Variants in ITPR2 observed in about 807,000 individuals in gnomAD.
ITPR2 encodes the protein inositol 1,4,5-trisphosphate-gated calcium channel ITPR2.
Under a neutral mutation model 317.1 loss-of-function variants are expected in ITPR2, and 207 were observed. The observed-to-expected ratio is 0.65, with a 90% CI of 0.58 to 0.73. ITPR2 has a LOEUF of 0.73. Ranked by LOEUF, ITPR2 falls within the 30% of genes least tolerant of loss-of-function variation. ITPR2 has a pLI of 0.00. For missense variants in ITPR2, 2,613 were observed against 3,284.0 expected (o/e 0.80, Z 4.99); for synonymous variants, 1,156 against 1,149.1 (o/e 1.01, Z -0.12).
rs565876285 is a variant in ITPR2 at position 26,438,223 on chromosome 12, T to C, written c.6643+904A>G. On this transcript the variant is annotated intron_variant, in intron 47 of 56. Coordinates refer to ENST00000381340, the MANE Select transcript of ITPR2 (RefSeq NM_002223.4). ...GGTAAAATGCTAAGGGAGAATAATTTTGATTTTTTTAAAAGCATTCTGTTT... is the reference window on the plus strand; with the variant it reads ...GGTAAAATGCTAAGGGAGAATAATTCTGATTTTTTTAAAAGCATTCTGTTT... Among the ~76,000 whole-genome samples, 3 of 152,296 alleles carry C rather than the reference T, an allele frequency of 2.0e-5. No homozygotes were observed. In the South Asian group the frequency reaches 6.2e-4, roughly 32 times the overall value.
chr12:26,535,070 G>A (rs916765004), intron 37 of ITPR2, among the ~76,000 whole-genome samples: 3 of 152,120 alleles, frequency 2.0e-5, no homozygotes, highest in East Asian at 3.9e-4. Flanking sequence ...TGTGTATGAG[G>A]TGGTGGATAT....
chr12:26,533,354 A>C (rs1433845029), intron 37 of ITPR2, among the ~76,000 whole-genome samples: 2 of 152,222 alleles, frequency 1.3e-5, no homozygotes, highest in Admixed American at 1.3e-4. Context: ...AAACCAACTT[A>C]AACAATAATG....
At chr12:26,360,332 G>A (rs190468695) in intron 55 of ITPR2, among the ~76,000 whole-genome samples, 20 of 152,266 alleles carry the variant, frequency 1.3e-4, no homozygotes, top group Admixed American at 2.6e-4. Flanking sequence ...ATCTCTTCTC[G>A]CTCCTATTCT....
intron 55 of ITPR2, among the ~76,000 whole-genome samples, chr12:26,366,613 T>C (rs1403273248): frequency 5.9e-5 from 9 of 152,198 alleles, no homozygotes; most frequent in Admixed American, 5.9e-4. Flanking sequence ...CCTCTTCCCG[T>C]TGTAAACCCC....
chr12:26,494,795 A>G (rs1942895714), intron 38 of ITPR2, among the ~76,000 whole-genome samples: 1 of 148,072 alleles, frequency 6.8e-6, no homozygotes, highest in East Asian at 1.9e-4. Context: ...AAAAAAAAAA[A>G]GCTTGAGTTT....
rs55797555 is a variant in ITPR2, at chr12:26,769,027, C to CA, written c.163+21129_163+21130insT. On this transcript the variant is annotated intron_variant, in intron 2 of 56. Transcript: ENST00000381340. ...CACACACACACACACACACACACAC[C>CA]CCAATCTCAGCCACATAGTAAAACA... Among the ~76,000 whole-genome samples the CA allele has an allele frequency of 1.1e-3, 124 of 112,346 alleles. 2 individuals are homozygous for CA. Among genetic ancestry groups the CA allele is most frequent in the South Asian group, 2.1e-3 (6 of 2,812 alleles). 73.7% of individuals were successfully genotyped at this position (112,346 alleles called of 152,430 possible).
intron 2 of ITPR2, among the ~76,000 whole-genome samples, chr12:26,726,406 A>G (rs2137052169): frequency 6.6e-6 from 1 of 152,346 alleles, no homozygotes; most frequent in East Asian, 1.9e-4. Context: ...TCAAGAAGCA[A>G]AATATACGTT....
At chr12:26,465,839 C>T (rs1264963245) in intron 45 of ITPR2, among the ~76,000 whole-genome samples, 1 of 152,164 alleles carries the variant, frequency 6.6e-6, no homozygotes, top group Non-Finnish European at 1.5e-5. Flanking sequence ...CTATAAAGCA[C>T]ATGCCCCAAA....
At chr12:26,446,057 A>C (rs11048525) in intron 45 of ITPR2, among the ~76,000 whole-genome samples, 3,704 of 152,132 alleles carry the variant, frequency 0.024, 177 homozygotes, top group East Asian at 0.21. Flanking sequence ...GGTTGTGATG[A>C]TGGGAACACT....
chr12:26,400,687 CAT>C (rs1373149831), intron 52 of ITPR2: 1 of 152,328 alleles, frequency 6.6e-6, no homozygotes, highest in Non-Finnish European at 1.5e-5. Context: ...AAGCACAAAA[CAT>C]AAGGCTCACA....
At chr12:26,558,902 C>G (rs1463991186) in intron 35 of ITPR2, among the ~76,000 whole-genome samples, 2 of 152,150 alleles carry the variant, frequency 1.3e-5, no homozygotes, top group Non-Finnish European at 2.9e-5. Context: ...TCAACTCAGC[C>G]TCAAATTCTT....
At chr12:26,429,718 T>G (rs978159873) in intron 48 of ITPR2, among the ~76,000 whole-genome samples, 2 of 152,208 alleles carry the variant, frequency 1.3e-5, no homozygotes, top group African/African-American at 4.8e-5. Flanking sequence ...CAAAAATATA[T>G]TCTGTGAGTT....
At chr12:26,459,792 G>T (rs903468613) in intron 45 of ITPR2, among the ~76,000 whole-genome samples, 1 of 152,026 alleles carries the variant, frequency 6.6e-6, no homozygotes, top group East Asian at 1.9e-4. Flanking sequence ...CAATGTCTCC[G>T]TACATCTATG....
intron 2 of ITPR2, among the ~76,000 whole-genome samples, chr12:26,785,467 G>A (rs1180510622): frequency 1.4e-4 from 11 of 80,716 alleles, no homozygotes; most frequent in African/African-American, 3.9e-4. Context: ...CGCCCCGTCC[G>A]GGAGGTGAGG....
intron 37 of ITPR2, among the ~76,000 whole-genome samples, chr12:26,524,190 A>T (rs1943745398): frequency 1.5e-5 from 1 of 67,102 alleles, no homozygotes; most frequent in South Asian, 7.6e-4. Context: ...GAATAAGGCT[A>T]TCTAATAGTA....
Position 26,439,264 on chromosome 12 carries a change from C to T in ITPR2, c.6506G>A (p.Cys2169Tyr), listed in dbSNP as rs1941431029. The T allele has an allele frequency of 3.1e-6, 5 of 1,612,380 alleles. No individual in the cohort carries two copies. Among genetic ancestry groups the T allele is most frequent in the Non-Finnish European group, 4.2e-6 (5 of 1,179,256 alleles). ...EQIVFPVPNI[C>Y]EYLTRESKCR... ...CTTGGATTCTCGAGTGAGGTATTCA[C>T]ATATATTGGGGACAGGAAAAACTAT... The change falls in exon 47 of 57, where the codon TGT (cysteine) becomes TAT (tyrosine). Residue 2169 changes from cysteine (C) to tyrosine (Y), a missense_variant. Coordinates refer to ENST00000381340, the MANE Select transcript of ITPR2 (RefSeq NM_002223.4).
chr12:26,639,759 T>C (rs1017805772), intron 21 of ITPR2, among the ~76,000 whole-genome samples: 4 of 151,858 alleles, frequency 2.6e-5, no homozygotes, highest in South Asian at 4.2e-4. Flanking sequence ...CTGAGAATGA[T>C]GGTTTCCAGC....
At position 26,464,398 on chromosome 12, in the gene ITPR2, C is replaced by A. The variant is rs140197499; in HGVS notation, c.6342+10898G>T. On this transcript the variant is annotated intron_variant, in intron 45 of 56. Coordinates refer to ENST00000381340, the MANE Select transcript of ITPR2 (RefSeq NM_002223.4). ...CTAGATCCCTCACAAATACAGTTCA[C>A]GACAAGGTTCACACTCTTATGAGAA... 2.0e-5 allele frequency among the ~76,000 whole-genome samples: 3 copies of A among 152,262 alleles called. No individual in the cohort carries two copies. In the East Asian group the frequency reaches 5.8e-4, roughly 29 times the overall value.
In ITPR2 at chr12:26,597,147, T is replaced by C. The variant is rs200283036; in HGVS notation, c.4003-13A>G. ...CCCCATTTATCAACTGAAATGATAA[T>C]AAGAGAGTCTATGTAGCAGTCCGAA... On this transcript the variant is annotated splice_polypyrimidine_tract_variant and intron_variant, in intron 30 of 56. Coordinates refer to ENST00000381340, the MANE Select transcript of ITPR2 (RefSeq NM_002223.4). 2.2e-4 allele frequency: 357 copies of C among 1,613,172 alleles called. No homozygotes were observed. The African/African-American group carries it at 4.2e-3, about 19-fold the overall frequency.
Sources: allele counts gnomAD v4.1 joint callset (sites outside exome capture counted in the v4.1 genomes callset), GRCh38; gene constraint gnomAD v4.1.1; transcripts MANE v1.5; gene names NCBI Gene and HGNC (gene_info 2026-07-23, HGNC 2026-07-21).